The following NIPBL variants were observed in gnomAD, a reference collection of about 807,000 sequenced individuals.
NIPBL encodes NIPBL cohesin loading factor, also known as nipped-B-like protein.
NIPBL carries 19 observed loss-of-function variants against 321.8 expected under a neutral mutation model. The ratio of observed to expected loss-of-function variants is 0.06; its 90% CI spans 0.04 to 0.09. The LOEUF (loss-of-function observed/expected upper bound fraction) is 0.09. Ranked by LOEUF, NIPBL falls within the 10% of genes least tolerant of loss-of-function variation. The probability of loss-of-function intolerance (pLI) is 1.00; values close to 1 mark genes in which losing one functional copy is unlikely to be tolerated. For missense variants in NIPBL, 2,210 were observed against 3,327.0 expected, an observed-to-expected ratio of 0.66 and a Z score of 8.26; for synonymous variants, 1,106 against 1,114.1, an observed-to-expected ratio of 0.99 and a Z score of 0.14.
At chr5:37,048,753 A>G in intron 39 of NIPBL, 78 bp downstream of exon 39, 2 of 1,184,864 alleles carry the variant, frequency 1.7e-6, no homozygotes, top group Non-Finnish European at 2.4e-6. Flanking sequence ...CTAAATATCT[A>G]AATTTCCTTA....
chr5:36,922,765 T>C (rs1749043955), intron 1 of NIPBL, among the ~76,000 whole-genome samples: 1 of 152,218 alleles, frequency 6.6e-6, no homozygotes, highest in African/African-American at 2.4e-5. Flanking sequence ...GATGATTTTA[T>C]GTACCATCGC....
chr5:37,064,967 C>CA lies in NIPBL; in HGVS notation c.*84dup, dbSNP rs587783876. On this transcript the variant is annotated 3_prime_UTR_variant, in exon 47 of 47. Coordinates refer to ENST00000282516, the MANE Select transcript of NIPBL (RefSeq NM_133433.4). ...AAAACTTGAAATACCAACATTCTGG[C>CA]AAAAAAAAATCAGTTTTATGAAGAG... 8.1e-4 allele frequency: 1,232 copies of CA among 1,530,026 alleles called. No individual in the cohort carries two copies. The highest frequency in any genetic ancestry group is 2.3e-3 in the East Asian group (102 of 44,046). 94.8% of individuals were successfully genotyped at this position (1,530,026 alleles called of 1,614,324 possible). A position where few individuals can be genotyped will look rare whatever the true frequency, so the allele number is the denominator to read the frequency against.
chr5:37,004,074 C>A (rs943899490), intron 16 of NIPBL, among the ~76,000 whole-genome samples: 6 of 152,008 alleles, frequency 3.9e-5, no homozygotes, highest in Non-Finnish European at 8.8e-5. Context: ...GTTTTTATAC[C>A]TACCTCAAAG....
chr5:37,002,629 CTTTG>C lies in NIPBL; in HGVS notation c.3665-27_3665-24del, dbSNP rs535137604. The C allele has an allele frequency of 1.7e-4, 227 of 1,374,224 alleles. No homozygotes were observed. The African/African-American group carries it at 2.4e-3, about 15-fold the overall frequency. The allele number at this position is 1,374,224 out of a possible 1,614,324, so 85.1% of individuals were successfully genotyped here. A position where few individuals can be genotyped will look rare whatever the true frequency, so the allele number is the denominator to read the frequency against. On this transcript the variant is annotated intron_variant, in intron 14 of 46. Transcript: ENST00000282516. ...TTTTGAACTATTTTATTTACCTAAA[CTTTG>C]TTTGTGTTTGTTTGGCTTGATTTTG...
Position 36,996,806 on chromosome 5 carries a change from G to A in NIPBL, c.3304+1002G>A, listed in dbSNP as rs1746177834. 1 of 215,078 alleles carries A rather than the reference G, an allele frequency of 4.6e-6. No individual in the cohort carries two copies. Among genetic ancestry groups the A allele is most frequent in the South Asian group, 6.5e-5 (1 of 15,416 alleles). 13.3% of individuals were successfully genotyped at this position (215,078 alleles called of 1,614,324 possible). On this transcript the variant is annotated intron_variant, in intron 11 of 46. Transcript: ENST00000282516. This position sits in a 1 kb window ranked among gnomAD's most constrained non-coding sequence, Gnocchi z 5.0. ...CCATAGATTGAGGTGTGACAAGCAA[G>A]GGCAGGAAGGACAGATGCATGCTGC... is the stretch of plus-strand genomic sequence containing the variant.
chr5:36,975,328 T>C (rs2149627200), intron 8 of NIPBL, among the ~76,000 whole-genome samples: 1 of 152,290 alleles, frequency 6.6e-6, no homozygotes, highest in East Asian at 1.9e-4. Context: ...ATTAAATTGT[T>C]ATTTTTGTGT....
intron 8 of NIPBL, among the ~76,000 whole-genome samples, chr5:36,975,511 A>G (rs1239794386): frequency 6.6e-6 from 1 of 152,134 alleles, no homozygotes; most frequent in Admixed American, 6.6e-5. Flanking sequence ...TAGGCACAAA[A>G]ATATAGAAAT....
Position 36,984,980 on chromosome 5 carries a change from T to A in NIPBL, c.1800T>A (p.Pro600=). 6.2e-7 allele frequency: 1 copy of A among 1,613,388 alleles called. No homozygotes were observed. Among genetic ancestry groups the A allele is most frequent in the Non-Finnish European group, 8.5e-7 (1 of 1,179,754 alleles). ...KSTPENHPET[P]KKKSDPELSK... is the part of the protein sequence containing the mutation. ...CACCAGAAAACCATCCTGAGACACC[T>A]AAAAAAAAGTCTGATCCTGAGCTTT... Residue 600 remains proline (P), a synonymous_variant, in exon 10 of 47, where the codon CCT becomes CCA. Coordinates refer to ENST00000282516, the MANE Select transcript of NIPBL (RefSeq NM_133433.4).
intron 9 of NIPBL, among the ~76,000 whole-genome samples, chr5:36,983,321 A>C (rs929267402): frequency 2.6e-5 from 4 of 151,930 alleles, no homozygotes; most frequent in Non-Finnish European, 5.9e-5. Context: ...ATAACTAACA[A>C]ATATCTTAAG....
Position 37,021,901 on chromosome 5 carries a change from T to G in NIPBL, c.5329-150T>G, listed in dbSNP as rs1033964257. ...CTGTACTGATTTTTAAGTTAAACTT[T>G]GAATCATTAGGAAAGATCCTTTACT... On this transcript the variant is annotated intron_variant, in intron 27 of 46. Coordinates refer to ENST00000282516, the MANE Select transcript of NIPBL (RefSeq NM_133433.4). 5.9e-6 allele frequency: 4 copies of G among 682,958 alleles called. No homozygotes were observed. The African/African-American group carries it at 7.2e-5, about 12-fold the overall frequency. 42.3% of individuals were successfully genotyped at this position (682,958 alleles called of 1,614,324 possible).
At chr5:36,958,827 C>CAAGCCA (rs1474339559) in intron 4 of NIPBL, among the ~76,000 whole-genome samples, 1 of 152,140 alleles carries the variant, frequency 6.6e-6, no homozygotes, top group East Asian at 1.9e-4. Flanking sequence ...GCCCAAGTGC[C>CAAGCCA]TGTTTGGCTC....
At position 37,006,395 on chromosome 5, in the gene NIPBL, C is replaced by T. The variant is rs770936588; in HGVS notation, c.3894C>T (p.Asp1298=). 3 of 1,609,502 alleles carry T rather than the reference C, an allele frequency of 1.9e-6. No individual in the cohort carries two copies. The highest frequency in any genetic ancestry group is 2.2e-5 in the South Asian group (2 of 90,970). The part of the protein sequence containing the change: ...DTEEEERLWR[D]LIMERVTKSA... ...AAGAAGAAGAAAGGTTATGGAGAGA[C>T]CTTATTATGGAGAGAGTTACAAAAT... is the stretch of plus-strand genomic sequence containing the variant. Residue 1298 remains aspartate, a synonymous_variant, in exon 17 of 47, where the codon GAC becomes GAT. Transcript: ENST00000282516.
chr5:37,057,269 A>G lies in NIPBL; in HGVS notation c.7347A>G (p.Ile2449Met), dbSNP rs188785068. ...AGACACAGGAAGAGCCGTTGTTTATAATGCATCATATAGACATTACACTCT... is the reference window on the plus strand; with the variant it reads ...AGACACAGGAAGAGCCGTTGTTTATGATGCATCATATAGACATTACACTCT... Reference protein sequence around the residue: ...PYQTQEEPLFIMHHIDITLSV... With the variant: ...PYQTQEEPLFMMHHIDITLSV... The change falls in exon 43 of 47, where the codon ATA (isoleucine) becomes ATG (methionine). Residue 2449 changes from isoleucine to methionine, a missense_variant. By Grantham distance (10) the Ile-to-Met change is conservative (BLOSUM62 1). Coordinates refer to ENST00000282516, the MANE Select transcript of NIPBL (RefSeq NM_133433.4). 3 of 1,613,870 alleles carry G rather than the reference A, an allele frequency of 1.9e-6. No homozygotes were observed. The African/African-American group carries it at 4.0e-5, about 22-fold the overall frequency.
chr5:36,898,105 A>G (rs566960057), intron 1 of NIPBL, among the ~76,000 whole-genome samples: 4 of 152,332 alleles, frequency 2.6e-5, no homozygotes, highest in African/African-American at 9.6e-5. Flanking sequence ...ACATATAAAA[A>G]GATGCCCAAA....
At position 36,941,170 on chromosome 5, in the gene NIPBL, AAG is replaced by A. The variant is rs199766564; in HGVS notation, c.-79-12442_-79-12441del. Among the ~76,000 whole-genome samples, 1,191 of 152,296 alleles carry A rather than the reference AAG, an allele frequency of 7.8e-3. 20 individuals are homozygous for A. Among genetic ancestry groups the A allele is most frequent in the African/African-American group, 0.027 (1,128 of 41,566 alleles). ...TCCCAGGGATAAGAAAACATAGGTA[AAG>A]AGAGATTAAACTACTCCTTCAAGTT... On this transcript the variant is annotated intron_variant, in intron 1 of 46. Coordinates refer to ENST00000282516, the MANE Select transcript of NIPBL (RefSeq NM_133433.4).
chr5:36,971,790 A>T (rs1742876798), intron 7 of NIPBL, 155 bp from the exon 8 acceptor site: 1 of 979,720 alleles, frequency 1.0e-6, no homozygotes, highest in African/African-American at 1.7e-5. Flanking sequence ...CTTCTAAGAT[A>T]TACCAAGAAG....
intron 3 of NIPBL, among the ~76,000 whole-genome samples, chr5:36,957,316 A>C (rs1209393927): frequency 6.6e-6 from 1 of 152,212 alleles, no homozygotes; most frequent in Non-Finnish European, 1.5e-5. Flanking sequence ...GTAAGATGGA[A>C]AAATTACATA....
chr5:37,033,730 A>ATATATATATTT (rs775482943), intron 32 of NIPBL, among the ~76,000 whole-genome samples: 1 of 21,506 alleles, frequency 4.6e-5, no homozygotes, highest in Non-Finnish European at 7.8e-5. Flanking sequence ...ATATATATAT[A>ATATATATATTT]TTTTTTTTTT....
chr5:36,978,155 A>G (rs1743719564), intron 9 of NIPBL, among the ~76,000 whole-genome samples: 1 of 151,912 alleles, frequency 6.6e-6, no homozygotes, highest in African/African-American at 2.4e-5. Flanking sequence ...TGGTAGTTCT[A>G]TTTTTTGTTC....
Sources: allele counts gnomAD v4.1 joint callset (sites outside exome capture counted in the v4.1 genomes callset), GRCh38; gene constraint gnomAD v4.1.1; non-coding constraint Gnocchi (gnomAD v3.1); transcripts MANE v1.5; gene names NCBI Gene and HGNC (gene_info 2026-07-23, HGNC 2026-07-21).